Variants in CACNA2D3 observed in about 807,000 individuals in gnomAD.
CACNA2D3 encodes calcium voltage-gated channel auxiliary subunit alpha2delta 3.
A neutral mutation model predicts 160.6 loss-of-function variants in CACNA2D3; 60 were observed. The ratio of observed to expected loss-of-function variants is 0.37; its 90% CI spans 0.30 to 0.46. The LOEUF (loss-of-function observed/expected upper bound fraction) is 0.46. CACNA2D3 is among the 20% of genes least tolerant of loss of function. CACNA2D3 has a pLI of 1.00. For missense variants in CACNA2D3, 1,205 were observed against 1,365.0 expected (o/e 0.88, Z 1.85); for synonymous variants, 558 against 492.9 (o/e 1.13, Z -1.75).
At chr3:54,948,768 A>C (rs1701680441) in intron 27 of CACNA2D3, among the ~76,000 whole-genome samples, 1 of 152,248 alleles carries the variant, frequency 6.6e-6, no homozygotes, top group Non-Finnish European at 1.5e-5. Context: ...AGATCTCTAT[A>C]CATGAAGATA....
intron 2 of CACNA2D3, among the ~76,000 whole-genome samples, chr3:54,159,829 TA>T (rs762112232): frequency 1.3e-5 from 2 of 151,798 alleles, no homozygotes; most frequent in Non-Finnish European, 2.9e-5. Flanking sequence ...ATAGACTTTA[TA>T]AAAAAAAGAG....
chr3:54,988,800 G>A (rs376436863), intron 31 of CACNA2D3, among the ~76,000 whole-genome samples: 19 of 152,116 alleles, frequency 1.2e-4, no homozygotes, highest in East Asian at 3.9e-4. Flanking sequence ...GCTTGTTTGT[G>A]CCAGAAGGGA....
intron 2 of CACNA2D3, among the ~76,000 whole-genome samples, chr3:54,312,518 G>C (rs1253477613): frequency 6.6e-6 from 1 of 152,130 alleles, no homozygotes; most frequent in Non-Finnish European, 1.5e-5. Context: ...CTCACTTTTA[G>C]ATACACAATT....
intron 17 of CACNA2D3, among the ~76,000 whole-genome samples, chr3:54,847,040 T>C (rs1230320355): frequency 6.6e-6 from 1 of 152,232 alleles, no homozygotes; most frequent in African/African-American, 2.4e-5. Flanking sequence ...GGTGAACTGA[T>C]ATGTAAACCA....
At chr3:55,046,194 G>A (rs1277145446) in intron 35 of CACNA2D3, among the ~76,000 whole-genome samples, 1 of 147,474 alleles carries the variant, frequency 6.8e-6, no homozygotes, top group Non-Finnish European at 1.5e-5. Context: ...CTGGTGCGCT[G>A]CACCCACTAA....
intron 2 of CACNA2D3, among the ~76,000 whole-genome samples, chr3:54,182,030 C>G (rs965985630): frequency 6.6e-6 from 1 of 151,958 alleles, no homozygotes; most frequent in Admixed American, 6.6e-5. Flanking sequence ...ATAAATACAC[C>G]CTTCTGTAAA....
At chr3:54,468,055 A>T (rs1002336397) in intron 4 of CACNA2D3, among the ~76,000 whole-genome samples, 1 of 152,342 alleles carries the variant, frequency 6.6e-6, no homozygotes, top group Admixed American at 6.5e-5. Context: ...GGAGATGATA[A>T]TAATAGAAGT....
intron 17 of CACNA2D3, among the ~76,000 whole-genome samples, chr3:54,861,424 C>T (rs147068038): frequency 3.2e-4 from 48 of 152,082 alleles, no homozygotes; most frequent in Admixed American, 3.9e-4. Context: ...CAGGGAGTGG[C>T]GAGAAAGAGG....
intron 11 of CACNA2D3, among the ~76,000 whole-genome samples, chr3:54,693,021 TAA>T: frequency 6.7e-6 from 1 of 149,520 alleles, no homozygotes; most frequent in East Asian, 2.0e-4. Flanking sequence ...CAGCAAAATG[TAA>T]AAAAAAAACC....
At chr3:54,711,153 T>C (rs1290220612) in intron 11 of CACNA2D3, among the ~76,000 whole-genome samples, 6 of 152,160 alleles carry the variant, frequency 3.9e-5, no homozygotes, top group Non-Finnish European at 8.8e-5. Flanking sequence ...TCAAGCCAGC[T>C]TACCTCTCTG....
chr3:54,763,737 G>A (rs1343923367), intron 12 of CACNA2D3, among the ~76,000 whole-genome samples: 5 of 93,362 alleles, frequency 5.4e-5, no homozygotes, highest in East Asian at 2.7e-4. Flanking sequence ...ATATATATGT[G>A]TATATATGTG....
chr3:54,900,297 C>A (rs969686400), intron 27 of CACNA2D3, among the ~76,000 whole-genome samples: 2 of 152,170 alleles, frequency 1.3e-5, no homozygotes, highest in African/African-American at 4.8e-5. Flanking sequence ...AGATTTTCAT[C>A]CCCCTAATCC....
chr3:54,481,677 A>G (rs1016409623), intron 4 of CACNA2D3, among the ~76,000 whole-genome samples: 7 of 152,226 alleles, frequency 4.6e-5, no homozygotes, highest in African/African-American at 1.7e-4. Context: ...CCCTGACTAC[A>G]GGCAACTCTA....
intron 2 of CACNA2D3, among the ~76,000 whole-genome samples, chr3:54,202,447 A>T (rs1347346536): frequency 6.6e-6 from 1 of 152,238 alleles, no homozygotes; most frequent in Non-Finnish European, 1.5e-5. Context: ...TCTAAAATGC[A>T]TGAATCTTGT....
chr3:54,740,480 C>G (rs1288476386), intron 11 of CACNA2D3, among the ~76,000 whole-genome samples: 1 of 152,030 alleles, frequency 6.6e-6, no homozygotes, highest in Non-Finnish European at 1.5e-5. Context: ...AGTTGAGGAT[C>G]TTGGGTTATT....
intron 2 of CACNA2D3, among the ~76,000 whole-genome samples, chr3:54,230,258 C>A (rs1701745437): frequency 6.6e-6 from 1 of 151,906 alleles, no homozygotes; most frequent in African/African-American, 2.4e-5. Flanking sequence ...TGCCAGATTT[C>A]ATTTTTTTCT....
chr3:54,542,077 T>C (rs1701990009), intron 5 of CACNA2D3, among the ~76,000 whole-genome samples: 1 of 152,052 alleles, frequency 6.6e-6, no homozygotes, highest in African/African-American at 2.4e-5. Context: ...TGTTTTTGTT[T>C]TTTGAGACAG....
chr3:54,181,233 T>C (rs188890020), intron 2 of CACNA2D3, among the ~76,000 whole-genome samples: 1 of 152,286 alleles, frequency 6.6e-6, no homozygotes, highest in Admixed American at 6.5e-5. Flanking sequence ...TGAGCTATGG[T>C]GATGAATAGA....
chr3:54,263,587 T>C (rs926474345), intron 2 of CACNA2D3, among the ~76,000 whole-genome samples: 2 of 152,206 alleles, frequency 1.3e-5, no homozygotes, highest in African/African-American at 2.4e-5. Context: ...TCTGGGATTT[T>C]AGTTGTTAAA....
Sources: gnomAD v4.1 joint callset for allele counts (sites outside exome capture counted in the v4.1 genomes callset) on GRCh38, gnomAD v4.1.1 for gene constraint, MANE v1.5 for transcripts, NCBI Gene and HGNC (gene_info 2026-07-23, HGNC 2026-07-21) for gene names.